Variants in FER1L5 observed in about 807,000 individuals in gnomAD.
The protein encoded by FER1L5 is fer-1 like family member 5, also known as fer-1-like protein 5.
FER1L5 carries 187 observed loss-of-function variants against 279.9 expected under a neutral mutation model. That is an observed-to-expected ratio of 0.67 (90% CI 0.59 to 0.75). The LOEUF is 0.75. Ranked by LOEUF, FER1L5 falls within the 30% of genes least tolerant of loss-of-function variation. The pLI is 0.00. For synonymous variants in FER1L5, 921 were observed against 989.7 expected (o/e 0.93, Z 1.30); for missense variants, 2,091 against 2,594.4 (o/e 0.81, Z 4.21).
Position 96,689,074 on chromosome 2 carries a change from G to A in FER1L5, c.2362-139G>A. ...CCTCAGTGCCCTCACCTGTGCAATG[G>A]GGACATGGCCCTTTCTTGCCTGGCT... On this transcript the variant is annotated intron_variant, in intron 24 of 52. Coordinates refer to ENST00000624922, the MANE Select transcript of FER1L5 (RefSeq NM_001293083.2). This position sits in a 1 kb window ranked among gnomAD's most constrained non-coding sequence, Gnocchi z 4.6. 1 of 1,024,814 alleles carries A rather than the reference G, an allele frequency of 9.8e-7. No homozygotes were observed. The highest frequency in any genetic ancestry group is 2.7e-5 in the East Asian group (1 of 37,308). The allele number at this position is 1,024,814 out of a possible 1,614,324, so 63.5% of individuals were successfully genotyped here. A position where few individuals can be genotyped will look rare whatever the true frequency, so the allele number is the denominator to read the frequency against.
chr2:96,683,955 C>T (rs1169167779), intron 19 of FER1L5, among the ~76,000 whole-genome samples: 3 of 152,132 alleles, frequency 2.0e-5, no homozygotes, highest in African/African-American at 7.2e-5. Context: ...CAGAGGCGTG[C>T]CCCGTGCCCC....
At position 96,704,600 on chromosome 2, in the gene FER1L5, AAGCCTACAAT is replaced by A; in HGVS notation, c.6085_6094del (p.Pro2029ThrfsTer14). 1 of 1,613,934 alleles carries A rather than the reference AAGCCTACAAT, an allele frequency of 6.2e-7. No individual in the cohort carries two copies. Among genetic ancestry groups the A allele is most frequent in the Non-Finnish European group, 8.5e-7 (1 of 1,179,882 alleles). ...CCTTCCCACCCAGGATCCAAACCTAAAGCCTACAATAGACCATGAGTGGAAACTCCACCCA... is the reference window on the plus strand; with the variant it reads ...CCTTCCCACCCAGGATCCAAACCTAAAGACCATGAGTGGAAACTCCACCCA... On this transcript the variant is annotated frameshift_variant, in exon 53 of 53. Coordinates refer to ENST00000624922, the MANE Select transcript of FER1L5 (RefSeq NM_001293083.2). LOFTEE classifies it low-confidence loss of function (END_TRUNC).
chr2:96,700,214 G>GC, intron 44 of FER1L5, 118 bp from the exon 45 acceptor site: 1 of 1,558,184 alleles, frequency 6.4e-7, no homozygotes, highest in Non-Finnish European at 8.7e-7. Context: ...CCAAAGAGCA[G>GC]CCCATCCCTT....
chr2:96,698,969 C>T lies in FER1L5; in HGVS notation c.4519-76C>T. 1.3e-6 allele frequency: 2 copies of T among 1,533,974 alleles called. No homozygotes were observed. Among genetic ancestry groups the T allele is most frequent in the Non-Finnish European group, 1.8e-6 (2 of 1,130,220 alleles). On this transcript the variant is annotated intron_variant, in intron 41 of 52. Coordinates refer to ENST00000624922, the MANE Select transcript of FER1L5 (RefSeq NM_001293083.2). This position sits in a 1 kb window ranked among gnomAD's most constrained non-coding sequence, Gnocchi z 5.5. ...TGTGGTGCGAGGGGCTTGTTTCCACCCTCCTCCCACCCTCCCTGACAAACC... is the reference window on the plus strand; with the variant it reads ...TGTGGTGCGAGGGGCTTGTTTCCACTCTCCTCCCACCCTCCCTGACAAACC...
chr2:96,644,638 G>C (rs997585502), intron 1 of FER1L5, among the ~76,000 whole-genome samples: 5 of 152,154 alleles, frequency 3.3e-5, no homozygotes, highest in Non-Finnish European at 5.9e-5. Flanking sequence ...AGAGAAAAGA[G>C]GACACAGTAG....
chr2:96,673,058 G>A lies in FER1L5; in HGVS notation c.1492-19G>A. The stretch of plus-strand genomic sequence containing the variant: ...GCTTATGTACTGGGTATGGGGGGTG[G>A]GGGCGGTTATTGTTTCAGAAGCACC... On this transcript the variant is annotated intron_variant, in intron 18 of 52. Transcript: ENST00000624922. The A allele has an allele frequency of 1.9e-6, 3 of 1,549,324 alleles. No homozygotes were observed. The highest frequency in any genetic ancestry group is 2.6e-6 in the Non-Finnish European group (3 of 1,145,862).
chr2:96,696,003 T>G (rs1214797701), intron 36 of FER1L5, 49 bp from the exon 37 acceptor site: 25 of 1,611,628 alleles, frequency 1.6e-5, no homozygotes, highest in Non-Finnish European at 2.0e-5. Context: ...TGCTTCCTCC[T>G]CAGCCCTCTC....
intron 19 of FER1L5, among the ~76,000 whole-genome samples, chr2:96,679,318 G>A (rs1360013590): frequency 1.3e-5 from 2 of 151,952 alleles, no homozygotes; most frequent in Admixed American, 1.3e-4. Context: ...CCACTTCCCA[G>A]GTTCAAGCAA....
rs2153304743 is a variant in FER1L5 at position 96,698,361 on chromosome 2, C to T, written c.4356+205C>T. On this transcript the variant is annotated intron_variant, in intron 40 of 52. Coordinates refer to ENST00000624922, the MANE Select transcript of FER1L5 (RefSeq NM_001293083.2). The surrounding 1 kb of genome is among the most constrained non-coding windows in gnomAD (Gnocchi z 5.5). ...CCTCCCCACCCTGGCCTATGCTGGC[C>T]TCCCAAGGCTGCAAAGCCACAGAGA... is the stretch of plus-strand genomic sequence containing the variant. Among the ~76,000 whole-genome samples, 1 of 152,280 alleles carries T rather than the reference C, an allele frequency of 6.6e-6. No individual in the cohort carries two copies.
At chr2:96,701,856 A>T (rs2077597454) in intron 45 of FER1L5, 99 bp from the exon 46 acceptor site, 1 of 1,156,392 alleles carries the variant, frequency 8.6e-7, no homozygotes, top group Admixed American at 2.1e-5. Context: ...TGGGAACACA[A>T]CCTCAACAGA....
intron 13 of FER1L5, among the ~76,000 whole-genome samples, chr2:96,662,842 A>G (rs769399720): frequency 7.9e-4 from 121 of 152,212 alleles, no homozygotes; most frequent in Non-Finnish European, 1.1e-3. Context: ...AGAATTTGTG[A>G]ACATATTTAA....
chr2:96,702,173 G>A lies in FER1L5; in HGVS notation c.5159+130G>A. ...TATTGGGAAGAGAGGAAGCTCTACTGGGAGCTTTCTTCCCCTGAATTCCCC... is the reference window on the plus strand; with the variant it reads ...TATTGGGAAGAGAGGAAGCTCTACTAGGAGCTTTCTTCCCCTGAATTCCCC... On this transcript the variant is annotated intron_variant, in intron 46 of 52. Coordinates refer to ENST00000624922, the MANE Select transcript of FER1L5 (RefSeq NM_001293083.2). This position sits in a 1 kb window ranked among gnomAD's most constrained non-coding sequence, Gnocchi z 4.0. The A allele has an allele frequency of 1.3e-6, 2 of 1,561,414 alleles. No individual in the cohort carries two copies. The highest frequency in any genetic ancestry group is 8.7e-7 in the Non-Finnish European group (1 of 1,150,344).
chr2:96,694,105 G>A lies in FER1L5; in HGVS notation c.3636+33G>A, dbSNP rs1449222394. ...GAGAGAGGGCCTGGCTGGGAAGTGT[G>A]GCACTCAGTGCCCCTCCCCGTCCCA... On this transcript the variant is annotated intron_variant, in intron 33 of 52. Coordinates refer to ENST00000624922, the MANE Select transcript of FER1L5 (RefSeq NM_001293083.2). This position sits in a 1 kb window ranked among gnomAD's most constrained non-coding sequence, Gnocchi z 4.6. 6.6e-7 allele frequency: 1 copy of A among 1,524,158 alleles called. No individual in the cohort carries two copies. The highest frequency in any genetic ancestry group is 1.4e-5 in the African/African-American group (1 of 72,938). 94.4% of individuals were successfully genotyped at this position (1,524,158 alleles called of 1,614,324 possible). A position where few individuals can be genotyped will look rare whatever the true frequency, so the allele number is the denominator to read the frequency against.
chr2:96,649,857 G>A (rs2075290351), intron 5 of FER1L5, among the ~76,000 whole-genome samples, 180 bp downstream of exon 5: 1 of 152,196 alleles, frequency 6.6e-6, no homozygotes, highest in Non-Finnish European at 1.5e-5. Flanking sequence ...ATCTGGCTGA[G>A]GCCATCCCAA....
intron 19 of FER1L5, among the ~76,000 whole-genome samples, chr2:96,682,470 A>G (rs902838043): frequency 1.3e-5 from 2 of 152,036 alleles, no homozygotes; most frequent in Non-Finnish European, 2.9e-5. Context: ...CATTTTCTCC[A>G]TGTGTCTCAC....
Position 96,676,911 on chromosome 2 carries a change from C to G in FER1L5, c.1669+3657C>G, listed in dbSNP as rs189572959. Reference sequence around the variant, plus strand: ...TCACTCTGTCGCCCAGGCCGGAGTGCGGCGGTCTGCCTCTTGGGTTCCCGG... The same window carrying G: ...TCACTCTGTCGCCCAGGCCGGAGTGGGGCGGTCTGCCTCTTGGGTTCCCGG... On this transcript the variant is annotated intron_variant, in intron 19 of 52. Transcript: ENST00000624922. 2.5e-3 allele frequency among the ~76,000 whole-genome samples: 381 copies of G among 152,102 alleles called. 1 individual carries two copies. Among genetic ancestry groups the G allele is most frequent in the South Asian group, 0.024 (115 of 4,812 alleles).
chr2:96,697,605 A>G, intron 38 of FER1L5, 29 bp downstream of exon 38: 1 of 1,613,832 alleles, frequency 6.2e-7, no homozygotes, highest in South Asian at 1.1e-5. Flanking sequence ...CATTCAGTGC[A>G]GGGAGGTGGG....
Position 96,686,186 on chromosome 2 carries a change from C to T in FER1L5, c.2074-9C>T. 2 of 1,549,560 alleles carry T rather than the reference C, an allele frequency of 1.3e-6. No homozygotes were observed. The highest frequency in any genetic ancestry group is 2.4e-5 in the South Asian group (2 of 83,930). On this transcript the variant is annotated splice_polypyrimidine_tract_variant and intron_variant, in intron 22 of 52. Transcript: ENST00000624922. ...CCGCGCAGGGCCTGACATTCTCCCACCTCGGCAGCCCCAGATGGGCCTCCC... is the reference window on the plus strand; with the variant it reads ...CCGCGCAGGGCCTGACATTCTCCCATCTCGGCAGCCCCAGATGGGCCTCCC...
At position 96,694,036 on chromosome 2, in the gene FER1L5, G is replaced by C. The variant is rs901917535; in HGVS notation, c.3600G>C (p.Glu1200Asp). 9 of 1,547,432 alleles carry C rather than the reference G, an allele frequency of 5.8e-6. No homozygotes were observed. In the Admixed American group the frequency reaches 1.8e-4, roughly 30 times the overall value. Reference protein sequence around the residue: ...LVKELGKEEGEILASCELILQ... With the variant: ...LVKELGKEEGDILASCELILQ... The stretch of plus-strand genomic sequence containing the variant: ...AGGAGTTGGGGAAGGAAGAGGGCGA[G>C]ATCTTGGCATCCTGTGAGCTGATCC... Residue 1200 changes from glutamate to aspartate, a missense_variant, in exon 33 of 53, where the codon GAG becomes GAC. Transcript: ENST00000624922. The surrounding 1 kb of genome is among the most constrained non-coding windows in gnomAD (Gnocchi z 4.6).
Sources: gnomAD v4.1 joint callset for allele counts (sites outside exome capture counted in the v4.1 genomes callset) on GRCh38, gnomAD v4.1.1 for gene constraint, Gnocchi (gnomAD v3.1) non-coding constraint, MANE v1.5 for transcripts, NCBI Gene and HGNC (gene_info 2026-07-23, HGNC 2026-07-21) for gene names.